Variants in GPC5 observed in about 807,000 individuals in gnomAD.
GPC5 encodes glypican 5, also known as glypican-5.
A neutral mutation model predicts 53.9 loss-of-function variants in GPC5; 47 were observed. The observed-to-expected ratio is 0.87, with a 90% CI of 0.69 to 1.11. The LOEUF (loss-of-function observed/expected upper bound fraction) is 1.11, where lower values mean the gene tolerates loss of function less well. Among genes scored for constraint, GPC5 ranks in the 50% most tolerant of loss-of-function variants. The probability of loss-of-function intolerance (pLI) is 0.00; values close to 1 mark genes in which losing one functional copy is unlikely to be tolerated. For missense variants in GPC5, 748 were observed against 713.1 expected, an observed-to-expected ratio of 1.05 and a Z score of -0.56; for synonymous variants, 286 against 263.3, an observed-to-expected ratio of 1.09 and a Z score of -0.84.
At chr13:92,078,121 A>C (rs1388987448) in intron 6 of GPC5, among the ~76,000 whole-genome samples, 1 of 152,222 alleles carries the variant, frequency 6.6e-6, no homozygotes, top group African/African-American at 2.4e-5. Context: ...CCAAATTATA[A>C]TTAGCTAAAG....
At position 92,031,877 on chromosome 13, in the gene GPC5, ATATATTTTATATAT is replaced by A. The variant is rs1344803385; in HGVS notation, c.1402-112933_1402-112920del. On this transcript the variant is annotated intron_variant, in intron 6 of 7. Coordinates refer to ENST00000377067, the MANE Select transcript of GPC5 (RefSeq NM_004466.6). ...ATATAATATATATATTATATATAAC[ATATATTTTATATAT>A]TATATTTTATATATTATATATTATA... Among the ~76,000 whole-genome samples, 454 of 98,628 alleles carry A rather than the reference ATATATTTTATATAT, an allele frequency of 4.6e-3. 4 individuals are homozygous for A. Among genetic ancestry groups the A allele is most frequent in the Admixed American group, 0.014 (85 of 6,122 alleles). The allele number at this position is 98,628 out of a possible 152,430, so 64.7% of individuals were successfully genotyped here.
intron 7 of GPC5, among the ~76,000 whole-genome samples, chr13:92,430,911 G>T (rs1162289583): frequency 6.6e-6 from 1 of 151,970 alleles, no homozygotes; most frequent in Non-Finnish European, 1.5e-5. Flanking sequence ...GCAAAAATTA[G>T]CTCTACTAGT....
rs144097930 is a variant in GPC5, at chr13:91,964,520, T to C, written c.1401+56463T>C. ...GTGCTGATTGGTGTATTTACAATCC[T>C]TTAGCTAAACAGAAATGTTCTCCAA... On this transcript the variant is annotated intron_variant, in intron 6 of 7. Coordinates refer to ENST00000377067, the MANE Select transcript of GPC5 (RefSeq NM_004466.6). Among the ~76,000 whole-genome samples the C allele has an allele frequency of 3.7e-3, 556 of 152,286 alleles. 7 individuals carry two copies. The East Asian group carries it at 0.038, about 10-fold the overall frequency.
chr13:91,950,127 G>A (rs1198209227), intron 6 of GPC5, among the ~76,000 whole-genome samples: 1 of 152,042 alleles, frequency 6.6e-6, no homozygotes, highest in Non-Finnish European at 1.5e-5. Flanking sequence ...CATTAATTTT[G>A]TTGACAGCAG....
In GPC5 at chr13:91,908,004, G is replaced by A. The variant is rs749331025; in HGVS notation, c.1348G>A (p.Gly450Arg). The A allele has an allele frequency of 6.3e-7, 1 of 1,594,658 alleles. No homozygotes were observed. Among genetic ancestry groups the A allele is most frequent in the Admixed American group, 1.7e-5 (1 of 59,624 alleles). ...QSGNPEVKVK[G>R]IDPVINQIID... ...TGGAAATCCTGAAGTCAAAGTCAAA[G>A]GAATTGATCCTGTGATAAATCAGAT... The change falls in exon 6 of 8, where the codon GGA (glycine) becomes AGA (arginine). Residue 450 changes from glycine to arginine, a missense_variant. Coordinates refer to ENST00000377067, the MANE Select transcript of GPC5 (RefSeq NM_004466.6).
chr13:92,381,558 T>C (rs2043738994), intron 7 of GPC5, among the ~76,000 whole-genome samples: 1 of 152,096 alleles, frequency 6.6e-6, no homozygotes, highest in Non-Finnish European at 1.5e-5. Context: ...TGTGGGAATG[T>C]AAACTAGTAC....
intron 7 of GPC5, among the ~76,000 whole-genome samples, chr13:92,769,302 C>T (rs1226626056): frequency 6.6e-6 from 1 of 152,120 alleles, no homozygotes; most frequent in Non-Finnish European, 1.5e-5. Context: ...CAACACTTTT[C>T]TTCATTCAAA....
chr13:92,296,813 G>A (rs1214258178), intron 7 of GPC5, among the ~76,000 whole-genome samples: 1 of 152,220 alleles, frequency 6.6e-6, no homozygotes, highest in African/African-American at 2.4e-5. Flanking sequence ...ACCCAGGCCA[G>A]TGGCTGCGGA....
intron 7 of GPC5, among the ~76,000 whole-genome samples, chr13:92,746,868 G>A (rs1237270492): frequency 1.3e-5 from 2 of 152,038 alleles, no homozygotes; most frequent in African/African-American, 4.8e-5. Flanking sequence ...GCATCATTAG[G>A]CAATTTTGTC....
chr13:91,795,984 C>CG (rs1048275984), intron 5 of GPC5, among the ~76,000 whole-genome samples: 13 of 152,130 alleles, frequency 8.5e-5, no homozygotes, highest in African/African-American at 2.9e-4. Context: ...CTTTTGTTAC[C>CG]GGGGGTCTTT....
At chr13:92,682,587 G>A (rs1202554638) in intron 7 of GPC5, among the ~76,000 whole-genome samples, 2 of 152,058 alleles carry the variant, frequency 1.3e-5, no homozygotes. Context: ...GGAAGCATAA[G>A]CAAAACACAG....
At chr13:92,638,464 C>T (rs1269938587) in intron 7 of GPC5, among the ~76,000 whole-genome samples, 1 of 152,078 alleles carries the variant, frequency 6.6e-6, no homozygotes, top group African/African-American at 2.4e-5. Context: ...ATGGTTCTAA[C>T]ACAGGATCAC....
intron 7 of GPC5, among the ~76,000 whole-genome samples, chr13:92,217,720 T>G (rs1428066299): frequency 6.6e-6 from 1 of 152,114 alleles, no homozygotes; most frequent in East Asian, 1.9e-4. Context: ...TTTTTTTTCT[T>G]TTAACAACAT....
At chr13:92,082,537 T>A (rs996815218) in intron 6 of GPC5, among the ~76,000 whole-genome samples, 1 of 152,214 alleles carries the variant, frequency 6.6e-6, no homozygotes, top group Non-Finnish European at 1.5e-5. Context: ...TTTTGAAGAC[T>A]CATAACATTC....
chr13:91,976,132 G>A (rs1273468458), intron 6 of GPC5, among the ~76,000 whole-genome samples: 2 of 152,082 alleles, frequency 1.3e-5, no homozygotes, highest in Non-Finnish European at 2.9e-5. Flanking sequence ...GGGGTTGGGG[G>A]AGGGGGAAGG....
chr13:92,455,379 A>G (rs1415988980), intron 7 of GPC5, among the ~76,000 whole-genome samples: 2 of 152,228 alleles, frequency 1.3e-5, no homozygotes, highest in Non-Finnish European at 2.9e-5. Flanking sequence ...TATTTTATGT[A>G]TGATCTCTAA....
chr13:91,725,920 A>T (rs1217683221), intron 3 of GPC5, among the ~76,000 whole-genome samples: 1 of 152,156 alleles, frequency 6.6e-6, no homozygotes, highest in Non-Finnish European at 1.5e-5. Flanking sequence ...TCGTGATTGC[A>T]GATTCTGTTT....
intron 7 of GPC5, among the ~76,000 whole-genome samples, chr13:92,416,615 A>G (rs75492001): frequency 0.082 from 12,429 of 152,258 alleles, 762 homozygotes; most frequent in East Asian, 0.32. Flanking sequence ...AACCTATTAA[A>G]CTTTTAGAAA....
chr13:92,038,248 T>G (rs2138819178), intron 6 of GPC5, among the ~76,000 whole-genome samples: 1 of 152,022 alleles, frequency 6.6e-6, no homozygotes, highest in Middle Eastern at 3.4e-3. Context: ...AAGTTTTGGG[T>G]TATCAGAGAT....
Sources: gnomAD v4.1 joint callset for allele counts (sites outside exome capture counted in the v4.1 genomes callset) on GRCh38, gnomAD v4.1.1 for gene constraint, MANE v1.5 for transcripts, NCBI Gene and HGNC (gene_info 2026-07-23, HGNC 2026-07-21) for gene names.